The following SMIM23 variants were observed in gnomAD, a reference collection of about 807,000 sequenced individuals.
SMIM23 encodes the protein small integral membrane protein 23, also known as CTB-78H18.1.
In SMIM23, 10 loss-of-function variants were observed where a neutral mutation model predicts 12.8. The observed-to-expected ratio is 0.78, with a 90% CI of 0.48 to 1.32. The LOEUF is 1.32. Ranked by LOEUF, SMIM23 falls within the 40% of genes most tolerant of loss-of-function variation. The pLI is 0.00. For synonymous variants in SMIM23, 78 were observed against 80.1 expected (o/e 0.97, Z 0.14); for missense variants, 184 against 198.2 (o/e 0.93, Z 0.43).
At chr5:171,775,279 A>C in the SMIM23 span, among the ~76,000 whole-genome samples, 9 of 152,162 alleles carry the variant, frequency 5.9e-5, no homozygotes, top group Non-Finnish European at 1.5e-5. Context: ...AACATCTGGA[A>C]TAGACCAGGA....
chr5:171,790,407 A>G, intron 2 of SMIM23, 75 bp from the exon 3 acceptor site: 1 of 1,516,504 alleles, frequency 6.6e-7, no homozygotes. Flanking sequence ...CCTTCATCAC[A>G]CTGGGATAAC....
At chr5:171,785,064 G>A (rs142238915), upstream of SMIM23, among the ~76,000 whole-genome samples, 2 of 152,162 alleles carry the variant, frequency 1.3e-5, no homozygotes, top group African/African-American at 2.4e-5. Flanking sequence ...CAGCCATCAC[G>A]AAGCAGCACA....
the SMIM23 span, chr5:171,773,680 T>C: frequency 4.8e-6 from 2 of 417,530 alleles, no homozygotes; most frequent in Non-Finnish European, 9.4e-6. Context: ...GCAGGCATAG[T>C]GTCCAGTAGC....
chr5:171,783,046 T>A (rs1182808523), upstream of SMIM23, among the ~76,000 whole-genome samples: 1 of 152,202 alleles, frequency 6.6e-6, no homozygotes, highest in Non-Finnish European at 1.5e-5. Flanking sequence ...TGGGGGCTTT[T>A]AAAGTATAAG....
chr5:171,774,577 G>C, the SMIM23 span: 1 of 455,838 alleles, frequency 2.2e-6, no homozygotes, highest in Non-Finnish European at 4.4e-6. Flanking sequence ...GTAGGCCCAT[G>C]GCACACTGTC....
At chr5:171,787,142 C>A (rs1281609819) in intron 1 of SMIM23, among the ~76,000 whole-genome samples, 1 of 151,282 alleles carries the variant, frequency 6.6e-6, no homozygotes, top group East Asian at 1.9e-4. Context: ...GCCTCAGCCT[C>A]CCGAGCAGCT....
At chr5:171,775,450 T>C in the SMIM23 span, among the ~76,000 whole-genome samples, 2 of 152,172 alleles carry the variant, frequency 1.3e-5, no homozygotes, top group African/African-American at 4.8e-5. Flanking sequence ...GCAACCACTC[T>C]AGCTTGTGCT....
upstream of SMIM23, chr5:171,785,718 C>A: frequency 1.7e-6 from 1 of 573,178 alleles, no homozygotes; most frequent in South Asian, 2.4e-5. Context: ...GACTAAAAAT[C>A]AGGGTGGTGG....
the SMIM23 span, chr5:171,774,048 G>T: frequency 5.6e-6 from 2 of 358,024 alleles, no homozygotes; most frequent in South Asian, 2.1e-5. Flanking sequence ...TGGGCTTTGT[G>T]TCTGATTTCT....
At chr5:171,787,934 CA>C (rs1357792161) in intron 1 of SMIM23, among the ~76,000 whole-genome samples, 1 of 151,112 alleles carries the variant, frequency 6.6e-6, no homozygotes, top group East Asian at 1.9e-4. Context: ...TGCTATGTAA[CA>C]TTTTTTTTTT....
At chr5:171,782,187 G>T (rs57864377), upstream of SMIM23, among the ~76,000 whole-genome samples, 1 of 152,128 alleles carries the variant, frequency 6.6e-6, no homozygotes, top group South Asian at 2.1e-4. Flanking sequence ...TGAAGTCAGC[G>T]AGACGGTGAA....
At chr5:171,779,333 C>A (rs573155817), upstream of SMIM23, among the ~76,000 whole-genome samples, 2 of 152,234 alleles carry the variant, frequency 1.3e-5, no homozygotes, top group African/African-American at 4.8e-5. Flanking sequence ...CATGCCCTTT[C>A]GTTTCACACC....
At chr5:171,788,925 C>T (rs558524582) in intron 1 of SMIM23, among the ~76,000 whole-genome samples, 19 of 152,318 alleles carry the variant, frequency 1.2e-4, no homozygotes, top group African/African-American at 2.9e-4. Flanking sequence ...CTGCAACCTC[C>T]GCCTCCCAGG....
the SMIM23 span, chr5:171,774,363 A>C: frequency 4.4e-6 from 2 of 454,904 alleles, no homozygotes; most frequent in African/African-American, 4.0e-5. Flanking sequence ...GAGCCAGCAG[A>C]GAGACAGGAA....
At chr5:171,773,316 TG>T in the SMIM23 span, among the ~76,000 whole-genome samples, 1 of 151,576 alleles carries the variant, frequency 6.6e-6, no homozygotes, top group African/African-American at 2.4e-5. Flanking sequence ...CAGCAAGGGC[TG>T]GATAAACACC....
chr5:171,789,597 T>C (rs1561591995), intron 1 of SMIM23, among the ~76,000 whole-genome samples: 1 of 152,272 alleles, frequency 6.6e-6, no homozygotes, highest in South Asian at 2.1e-4. Context: ...ATCAATAAAA[T>C]ACACAATATA....
At chr5:171,776,457 C>T in the SMIM23 span, among the ~76,000 whole-genome samples, 10 of 152,174 alleles carry the variant, frequency 6.6e-5, no homozygotes, top group African/African-American at 2.4e-4. Context: ...CTGCAGAAGC[C>T]ATTCTGTCTG....
At chr5:171,776,580 C>A in the SMIM23 span, among the ~76,000 whole-genome samples, 1 of 152,180 alleles carries the variant, frequency 6.6e-6, no homozygotes, top group Non-Finnish European at 1.5e-5. Flanking sequence ...TGCCTTCAAG[C>A]CACCAGAAGA....
the SMIM23 span, among the ~76,000 whole-genome samples, chr5:171,776,828 A>G: frequency 5.3e-5 from 8 of 152,064 alleles, no homozygotes; most frequent in African/African-American, 1.9e-4. Context: ...AATTTAACAC[A>G]CTCAACTAAT....
Sources: allele counts gnomAD v4.1 joint callset (sites outside exome capture counted in the v4.1 genomes callset), GRCh38; gene constraint gnomAD v4.1.1; transcripts MANE v1.5; gene names NCBI Gene and HGNC (gene_info 2026-07-23, HGNC 2026-07-21).